UBR3: variants seen among roughly 807,000 people sequenced by gnomAD.
UBR3 encodes E3 ubiquitin-protein ligase UBR3.
A neutral mutation model predicts 243.2 loss-of-function variants in UBR3; 85 were observed. That is an observed-to-expected ratio of 0.35 (90% CI 0.29 to 0.42). The LOEUF is 0.42. UBR3 is among the 10% of genes least tolerant of loss of function. The pLI is 1.00. For missense variants in UBR3, 1,686 were observed against 2,300.8 expected (o/e 0.73, Z 5.47); for synonymous variants, 748 against 799.8 (o/e 0.94, Z 1.09).
At chr2:169,974,142 T>C (rs1203921057) in intron 24 of UBR3, among the ~76,000 whole-genome samples, 1 of 152,194 alleles carries the variant, frequency 6.6e-6, no homozygotes, top group African/African-American at 2.4e-5. Flanking sequence ...GTTTTTTTGT[T>C]ATGTCTTTGT....
intron 1 of UBR3, 102 bp from the exon 2 acceptor site, chr2:169,872,134 G>A (rs939514046): frequency 3.7e-6 from 3 of 810,738 alleles, no homozygotes; most frequent in Non-Finnish European, 5.3e-6. Flanking sequence ...CATAAAGGAG[G>A]ATTTATTGGC....
chr2:170,050,591 T>G (rs2091194464), intron 32 of UBR3, among the ~76,000 whole-genome samples: 2 of 152,226 alleles, frequency 1.3e-5, no homozygotes, highest in South Asian at 4.1e-4. Context: ...GATAGTTTTT[T>G]TTGTTGTTAT....
intron 5 of UBR3, among the ~76,000 whole-genome samples, chr2:169,890,172 C>G (rs111304468): frequency 2.0e-5 from 3 of 152,060 alleles, no homozygotes; most frequent in African/African-American, 7.3e-5. Context: ...ACCTTTTCAG[C>G]ACCATACTAA....
chr2:169,972,921 T>C (rs373688406), intron 24 of UBR3, among the ~76,000 whole-genome samples: 1 of 147,624 alleles, frequency 6.8e-6, no homozygotes, highest in South Asian at 2.2e-4. Context: ...CCAGGGCAAT[T>C]AGGCAGGAGA....
intron 24 of UBR3, among the ~76,000 whole-genome samples, chr2:169,971,350 T>G (rs954820568): frequency 4.0e-5 from 6 of 151,714 alleles, no homozygotes; most frequent in Middle Eastern, 3.4e-3. Context: ...TTTGTCAATT[T>G]TGGCTTTTGT....
At chr2:169,873,461 C>T (rs2105310684) in intron 2 of UBR3, among the ~76,000 whole-genome samples, 1 of 152,190 alleles carries the variant, frequency 6.6e-6, no homozygotes, top group South Asian at 2.1e-4. Flanking sequence ...TGCTTGAAGC[C>T]AGGAGTTCAA....
At chr2:170,043,849 G>A (rs2091023037) in intron 32 of UBR3, among the ~76,000 whole-genome samples, 1 of 152,072 alleles carries the variant, frequency 6.6e-6, no homozygotes, top group Non-Finnish European at 1.5e-5. Flanking sequence ...ATTCAAGATT[G>A]GATTATCTTG....
chr2:170,011,219 A>C (rs140509327), intron 29 of UBR3, among the ~76,000 whole-genome samples: 1 of 152,168 alleles, frequency 6.6e-6, no homozygotes, highest in Non-Finnish European at 1.5e-5. Flanking sequence ...AATTAACAAC[A>C]TATATTGAAG....
intron 24 of UBR3, 32 bp downstream of exon 24, chr2:169,958,558 T>A (rs2087418138): frequency 6.4e-7 from 1 of 1,569,302 alleles, no homozygotes; most frequent in Non-Finnish European, 8.8e-7. Flanking sequence ...AGAACTCTCA[T>A]AATTATACTT....
chr2:170,067,818 C>T (rs955337563), intron 35 of UBR3, among the ~76,000 whole-genome samples: 13 of 147,126 alleles, frequency 8.8e-5, no homozygotes, highest in Non-Finnish European at 1.6e-4. Flanking sequence ...TGCCCAGGCT[C>T]GAGGGCAGTG....
chr2:169,947,627 A>T lies in UBR3; in HGVS notation c.2996A>T (p.Tyr999Phe), dbSNP rs2086837335. ...LVSNMRHFIN[Y>F]VRVRVPETAP... ...TCAAACATGCGACACTTTATAAACT[A>T]TGTTAGAGTAAGAGTTCCAGAGACT... The change falls in exon 22 of 39, where the codon TAT (tyrosine) becomes TTT (phenylalanine). Residue 999 changes from tyrosine (Y) to phenylalanine (F), a missense_variant. Around this residue, in one of 8 missense-constraint regions of UBR3, gnomAD observed 300 missense variants for 314.4 expected, o/e 0.95. Coordinates refer to ENST00000272793, the MANE Select transcript of UBR3 (RefSeq NM_172070.4). The T allele has an allele frequency of 6.5e-7, 1 of 1,541,610 alleles. No individual in the cohort carries two copies. The highest frequency in any genetic ancestry group is 1.2e-5 in the South Asian group (1 of 82,114).
At chr2:169,995,488 G>T (rs1224861114) in intron 26 of UBR3, among the ~76,000 whole-genome samples, 1 of 152,100 alleles carries the variant, frequency 6.6e-6, no homozygotes, top group Non-Finnish European at 1.5e-5. Flanking sequence ...TTTAACTCTT[G>T]TTTATATCAA....
At chr2:169,953,746 C>T (rs762073014) in intron 23 of UBR3, among the ~76,000 whole-genome samples, 1 of 152,176 alleles carries the variant, frequency 6.6e-6, no homozygotes, top group Non-Finnish European at 1.5e-5. Context: ...AAAAAGTACA[C>T]TCTATGGACA....
chr2:169,978,172 G>A (rs1005293047), intron 24 of UBR3, among the ~76,000 whole-genome samples: 9 of 152,098 alleles, frequency 5.9e-5, no homozygotes, highest in Non-Finnish European at 1.0e-4. Flanking sequence ...TTTGGGCTCC[G>A]CCTATTCTCA....
At chr2:169,856,407 C>T (rs1370126555) in intron 1 of UBR3, among the ~76,000 whole-genome samples, 26 of 152,016 alleles carry the variant, frequency 1.7e-4, no homozygotes, top group Non-Finnish European at 1.5e-5. Context: ...TGCGCAGAGA[C>T]GCTCCTCACT....
intron 28 of UBR3, among the ~76,000 whole-genome samples, chr2:170,007,412 G>A (rs12151718): frequency 0.44 from 66,759 of 151,900 alleles, 15,803 homozygotes; most frequent in Non-Finnish European, 0.54. Context: ...TTTAATATAC[G>A]TCTTCTAGGT....
chr2:169,926,742 A>G lies in UBR3; in HGVS notation c.2202A>G (p.Glu734=), dbSNP rs760370091. 6.5e-7 allele frequency: 1 copy of G among 1,549,810 alleles called. No homozygotes were observed. Among genetic ancestry groups the G allele is most frequent in the South Asian group, 1.2e-5 (1 of 83,188 alleles). The change falls in exon 15 of 39, where the codon GAA becomes GAG. Residue 734 remains glutamate, a splice_region_variant and synonymous_variant. Transcript: ENST00000272793. The stretch of plus-strand genomic sequence containing the variant: ...ATTATTTTATTTCATCCGTCTTTGA[A>G]AGGTAGGCATAATTTTATTAAGACA... ...DPDYFISSVF[E]RFKVVDLLTM...
At chr2:170,035,794 A>G (rs1285215592) in intron 31 of UBR3, among the ~76,000 whole-genome samples, 1 of 151,506 alleles carries the variant, frequency 6.6e-6, no homozygotes, top group Non-Finnish European at 1.5e-5. Flanking sequence ...ACTCATGAAC[A>G]TGGACTATCT....
intron 25 of UBR3, among the ~76,000 whole-genome samples, chr2:169,988,356 A>G (rs1471142099): frequency 6.6e-6 from 1 of 152,166 alleles, no homozygotes; most frequent in Non-Finnish European, 1.5e-5. Flanking sequence ...TTAAGCTTTT[A>G]TTTGTTCATT....
Sources: allele counts gnomAD v4.1 joint callset (sites outside exome capture counted in the v4.1 genomes callset), GRCh38; gene constraint gnomAD v4.1.1; regional missense constraint gnomAD v4.1.1; transcripts MANE v1.5; gene names NCBI Gene and HGNC (gene_info 2026-07-23, HGNC 2026-07-21).